PCLO: variants seen among roughly 807,000 people sequenced by gnomAD.
PCLO encodes the protein protein piccolo.
In PCLO, 82 loss-of-function variants were observed where a neutral mutation model predicts 427.5. The observed-to-expected ratio is 0.19, with a 90% CI of 0.16 to 0.23. PCLO has a LOEUF of 0.23. Among genes scored for constraint, PCLO ranks in the 10% least tolerant of loss-of-function variants. The pLI is 1.00. For synonymous variants in PCLO, 2,357 were observed against 2,155.4 expected (o/e 1.09, Z -2.59); for missense variants, 6,239 against 6,115.9 (o/e 1.02, Z -0.67).
intron 10 of PCLO, among the ~76,000 whole-genome samples, chr7:82,873,866 A>G (rs2116007402): frequency 6.6e-6 from 1 of 152,172 alleles, no homozygotes; most frequent in African/African-American, 2.4e-5. Context: ...CATCCCAGAG[A>G]TCTGAATTTA....
intron 3 of PCLO, among the ~76,000 whole-genome samples, chr7:83,101,008 T>G (rs1245791508): frequency 6.6e-6 from 1 of 152,064 alleles, no homozygotes; most frequent in African/African-American, 2.4e-5. Context: ...ATAAAATACT[T>G]AGCCATTTTA....
At chr7:82,794,939 A>G (rs1473630110) in intron 22 of PCLO, among the ~76,000 whole-genome samples, 1 of 151,972 alleles carries the variant, frequency 6.6e-6, no homozygotes, top group African/African-American at 2.4e-5. Context: ...TTATTTTACT[A>G]TATGTGTTAT....
chr7:82,963,942 A>G (rs575269556), intron 4 of PCLO, among the ~76,000 whole-genome samples: 9 of 152,238 alleles, frequency 5.9e-5, no homozygotes, highest in Non-Finnish European at 8.8e-5. Context: ...ATAAAGGAAA[A>G]AAGTACTGCA....
In PCLO at chr7:82,761,446, T is replaced by C. The variant is rs374774876; in HGVS notation, c.15055A>G (p.Met5019Val). ...ATTAGTTGTTCACCATCTGTCTTCA[T>C]TTCCTTCTTCAATGCAATCTTGATT... The part of the protein sequence containing the change: ...GEIKIALKKE[M>V]KTDGEQLIVE... The change falls in exon 23 of 25, where the codon ATG becomes GTG. Residue 5019 changes from methionine (M) to valine (V), a missense_variant. Met to Val is a conservative substitution (Grantham distance 21). This residue lies in a region of PCLO where 877 missense variants were observed against 925.5 expected (regional missense o/e 0.95). Coordinates refer to ENST00000333891, the MANE Select transcript of PCLO (RefSeq NM_033026.6). 10 of 1,595,632 alleles carry C rather than the reference T, an allele frequency of 6.3e-6. No homozygotes were observed. Among genetic ancestry groups the C allele is most frequent in the East Asian group, 2.2e-5 (1 of 44,632 alleles).
intron 3 of PCLO, among the ~76,000 whole-genome samples, chr7:83,018,788 T>C (rs1224768578): frequency 6.6e-6 from 1 of 152,008 alleles, no homozygotes; most frequent in Admixed American, 6.6e-5. Context: ...TGGAAGCTTA[T>C]TAACAAGGAG....
intron 22 of PCLO, among the ~76,000 whole-genome samples, chr7:82,789,906 A>G (rs1791066183): frequency 6.6e-6 from 1 of 152,062 alleles, no homozygotes; most frequent in East Asian, 1.9e-4. Context: ...TGCTGTTAAC[A>G]TTTCTTTTCT....
chr7:82,825,689 TTATA>T (rs932849394), intron 18 of PCLO, among the ~76,000 whole-genome samples: 4 of 148,078 alleles, frequency 2.7e-5, no homozygotes, highest in South Asian at 2.1e-4. Flanking sequence ...TATATATACA[TTATA>T]TATACACTGT....
intron 20 of PCLO, chr7:82,821,606 C>G: frequency 3.1e-6 from 3 of 966,518 alleles, no homozygotes; most frequent in Non-Finnish European, 2.5e-6. Flanking sequence ...TTATATCAAT[C>G]GACTAAATTT....
intron 3 of PCLO, among the ~76,000 whole-genome samples, chr7:83,096,192 G>A (rs1254421287): frequency 6.6e-6 from 1 of 151,958 alleles, no homozygotes; most frequent in Non-Finnish European, 1.5e-5. Context: ...TCACACTACT[G>A]CTTTTGAAAC....
In PCLO at chr7:82,952,585, G is replaced by A. The variant is rs1795384397; in HGVS notation, c.8368C>T (p.Leu2790=). ...VTSSIVTPVS[L]ATETVTFVTC... The stretch of plus-strand genomic sequence containing the variant: ...ACAAAGGTCACTGTCTCAGTGGCCA[G>A]AGATACAGGAGTCACTATTGATGAT... The change falls in exon 5 of 25, where the codon CTG becomes TTG. Residue 2790 remains leucine, a synonymous_variant. Coordinates refer to ENST00000333891, the MANE Select transcript of PCLO (RefSeq NM_033026.6). 1 of 1,613,828 alleles carries A rather than the reference G, an allele frequency of 6.2e-7. No homozygotes were observed. The highest frequency in any genetic ancestry group is 1.3e-5 in the African/African-American group (1 of 74,928).
At chr7:82,902,627 A>G (rs1026017663) in intron 9 of PCLO, 24 bp downstream of exon 9, 4 of 1,338,216 alleles carry the variant, frequency 3.0e-6, no homozygotes, top group Non-Finnish European at 4.2e-6. Flanking sequence ...CAAAAAAAAT[A>G]TTAGATTATA....
At chr7:83,006,052 C>A (rs1787938112) in intron 3 of PCLO, among the ~76,000 whole-genome samples, 2 of 151,612 alleles carry the variant, frequency 1.3e-5, no homozygotes, top group Non-Finnish European at 3.0e-5. Flanking sequence ...TTGATTTTAA[C>A]TGTACGCAAT....
chr7:83,031,659 A>G (rs999130510), intron 3 of PCLO, among the ~76,000 whole-genome samples: 6 of 152,190 alleles, frequency 3.9e-5, no homozygotes, highest in Admixed American at 2.0e-4. Flanking sequence ...TTCTCTAAGA[A>G]TCACCAAGTA....
chr7:83,019,503 G>A (rs973989073), intron 3 of PCLO, among the ~76,000 whole-genome samples: 59 of 151,612 alleles, frequency 3.9e-4, no homozygotes, highest in African/African-American at 1.2e-3. Flanking sequence ...AGAGTATCCT[G>A]GTGGGTATAT....
Position 82,952,173 on chromosome 7 carries a change from T to TCAA in PCLO, c.8779_8780insTTG (p.Asp2926_Glu2927insVal), listed in dbSNP as rs34366668. The TCAA allele has an allele frequency of 2.1e-6, 3 of 1,461,578 alleles. No individual in the cohort carries two copies. Among genetic ancestry groups the TCAA allele is most frequent in the Non-Finnish European group, 2.7e-6 (3 of 1,111,886 alleles). The allele number at this position is 1,461,578 out of a possible 1,614,324, so 90.5% of individuals were successfully genotyped here. ...CCCTGCGGTTAAATCAACGGGTTTT[T>TCAA]CATCTTCTATTATTTTGGTCATCAC... On this transcript the variant is annotated inframe_insertion, in exon 5 of 25. Coordinates refer to ENST00000333891, the MANE Select transcript of PCLO (RefSeq NM_033026.6).
chr7:82,991,588 T>C (rs1243302839), intron 3 of PCLO, among the ~76,000 whole-genome samples: 2 of 152,148 alleles, frequency 1.3e-5, no homozygotes, highest in African/African-American at 4.8e-5. Context: ...TTAAAGAGTT[T>C]TCAAAGATAT....
intron 3 of PCLO, among the ~76,000 whole-genome samples, chr7:83,062,714 T>C (rs996797736): frequency 6.6e-6 from 1 of 152,110 alleles, no homozygotes; most frequent in African/African-American, 2.4e-5. Context: ...TGTATTATCA[T>C]GTTTTCTGTT....
intron 2 of PCLO, among the ~76,000 whole-genome samples, chr7:83,148,240 A>C (rs2116661111): frequency 6.6e-6 from 1 of 152,312 alleles, no homozygotes; most frequent in South Asian, 2.1e-4. Context: ...ATTGCCAAGT[A>C]ACTTATCAAT....
chr7:83,134,450 T>C lies in PCLO; in HGVS notation c.3100A>G (p.Lys1034Glu). The change falls in exon 3 of 25, where the codon AAA (lysine) becomes GAA (glutamate). Residue 1034 changes from lysine to glutamate, a missense_variant. By Grantham distance (56) the Lys-to-Glu change is moderately conservative. Transcript: ENST00000333891. ...TTTTGAGGCTCAGCTGTTAAAGATTTGCTATCCTTAATAGGTGGTGGCTTT... is the reference window on the plus strand; with the variant it reads ...TTTTGAGGCTCAGCTGTTAAAGATTCGCTATCCTTAATAGGTGGTGGCTTT... ...EKKPPPIKDSKSLTAEPQKAV... is the reference protein window; with the variant it reads ...EKKPPPIKDSESLTAEPQKAV... The C allele has an allele frequency of 6.2e-7, 1 of 1,613,896 alleles. No individual in the cohort carries two copies. The highest frequency in any genetic ancestry group is 8.5e-7 in the Non-Finnish European group (1 of 1,179,836).
Sources: gnomAD v4.1 joint callset for allele counts (sites outside exome capture counted in the v4.1 genomes callset) on GRCh38, gnomAD v4.1.1 for gene constraint, gnomAD v4.1.1 regional missense constraint, MANE v1.5 for transcripts, NCBI Gene and HGNC (gene_info 2026-07-23, HGNC 2026-07-21) for gene names.